Variants in ATR observed in about 807,000 individuals in gnomAD.
ATR encodes the protein serine/threonine-protein kinase ATR.
In ATR, 142 loss-of-function variants were observed where a neutral mutation model predicts 305.3. The ratio of observed to expected loss-of-function variants is 0.47; its 90% CI spans 0.41 to 0.53. The LOEUF (loss-of-function observed/expected upper bound fraction) is 0.53, where lower values mean the gene tolerates loss of function less well. Among genes scored for constraint, ATR ranks in the 20% least tolerant of loss-of-function variants. The pLI is 0.00. For synonymous variants in ATR, 1,050 were observed against 1,068.1 expected (o/e 0.98, Z 0.33); for missense variants, 2,135 against 3,133.1 (o/e 0.68, Z 7.60).
intron 13 of ATR, among the ~76,000 whole-genome samples, chr3:142,552,489 G>A (rs1345388586): frequency 6.6e-6 from 1 of 151,968 alleles, no homozygotes; most frequent in Non-Finnish European, 1.5e-5. Context: ...GGCCAACATG[G>A]TGAAACCTCA....
intron 36 of ATR, among the ~76,000 whole-genome samples, chr3:142,476,770 T>C (rs1302663875): frequency 6.6e-6 from 1 of 152,220 alleles, no homozygotes; most frequent in Non-Finnish European, 1.5e-5. Flanking sequence ...TTTATTTCCT[T>C]GAGCAATGGT....
In ATR at chr3:142,551,444, T is replaced by A. The variant is rs372750522; in HGVS notation, c.2806-1142A>T. 8.5e-5 allele frequency among the ~76,000 whole-genome samples: 13 copies of A among 152,140 alleles called. No homozygotes were observed. In the South Asian group the frequency reaches 1.2e-3, roughly 15 times the overall value. On this transcript the variant is annotated intron_variant, in intron 13 of 46. Transcript: ENST00000350721. ...AGTGAAATTTGGTCTCTAAGAAATG[T>A]TTAAAATAAAAAAGAAAATAAAACT... is the stretch of plus-strand genomic sequence containing the variant.
In ATR at chr3:142,462,087, A is replaced by G; in HGVS notation, c.7045T>C (p.Leu2349=). 1 of 1,611,384 alleles carries G rather than the reference A, an allele frequency of 6.2e-7. No individual in the cohort carries two copies. Among genetic ancestry groups the G allele is most frequent in the Non-Finnish European group, 8.5e-7 (1 of 1,178,730 alleles). Residue 2349 remains leucine, a synonymous_variant, in exon 42 of 47, where the codon TTA becomes CTA. Coordinates refer to ENST00000350721, the MANE Select transcript of ATR (RefSeq NM_001184.4). The part of the protein sequence containing the change: ...MEFNSLINKC[L]RKDAESRRRE... ...CTACGAGACTCTGCATCTTTTCTTA[A>G]GCACTGTTAAAAAATACACATAAAT... is the stretch of plus-strand genomic sequence containing the variant.
chr3:142,486,450 T>C (rs550225995), intron 35 of ATR, among the ~76,000 whole-genome samples: 2 of 152,264 alleles, frequency 1.3e-5, no homozygotes, highest in African/African-American at 4.8e-5. Context: ...TCTTCCTGCC[T>C]TCCTTTCTTC....
At chr3:142,475,912 T>C (rs1241343046) in intron 36 of ATR, among the ~76,000 whole-genome samples, 1 of 152,248 alleles carries the variant, frequency 6.6e-6, no homozygotes, top group Admixed American at 6.5e-5. Context: ...GAGAAGTGTC[T>C]GTTATATCCT....
intron 45 of ATR, among the ~76,000 whole-genome samples, chr3:142,454,644 T>C (rs2070866428): frequency 6.6e-6 from 1 of 151,828 alleles, no homozygotes; most frequent in African/African-American, 2.4e-5. Context: ...GGTTTCACCG[T>C]GTTAGCCAGG....
intron 27 of ATR, among the ~76,000 whole-genome samples, chr3:142,512,026 G>A (rs558818923): frequency 2.0e-4 from 30 of 151,842 alleles, no homozygotes; most frequent in Non-Finnish European, 4.0e-4. Flanking sequence ...GCTGAGGCAG[G>A]AGAATTGCTT....
chr3:142,514,544 G>A (rs1389895353), intron 25 of ATR, among the ~76,000 whole-genome samples: 1 of 151,474 alleles, frequency 6.6e-6, no homozygotes, highest in Non-Finnish European at 1.5e-5. Flanking sequence ...TGAGGCAGGA[G>A]AATGGCATGA....
At chr3:142,498,534 T>A (rs1411752172) in intron 32 of ATR, 63 bp downstream of exon 32, 2 of 1,530,746 alleles carry the variant, frequency 1.3e-6, no homozygotes, top group Non-Finnish European at 8.9e-7. Flanking sequence ...CTCAAAAAAA[T>A]TTTCCAATCC....
At chr3:142,539,014 A>G (rs892313078) in intron 18 of ATR, among the ~76,000 whole-genome samples, 6 of 152,192 alleles carry the variant, frequency 3.9e-5, no homozygotes, top group African/African-American at 1.4e-4. Context: ...AATGTTTTAT[A>G]TAACTTTTAA....
chr3:142,467,809 C>A, intron 39 of ATR, 125 bp downstream of exon 39: 1 of 1,062,752 alleles, frequency 9.4e-7, no homozygotes, highest in Admixed American at 3.1e-5. Flanking sequence ...TTAAAATATA[C>A]ATTTTGATAT....
intron 21 of ATR, among the ~76,000 whole-genome samples, chr3:142,527,426 C>T (rs1474870893): frequency 6.6e-6 from 1 of 152,066 alleles, no homozygotes; most frequent in African/African-American, 2.4e-5. Flanking sequence ...TCTATTTCAG[C>T]TAGAGTTCAT....
chr3:142,481,067 C>T (rs2030422105), intron 36 of ATR, among the ~76,000 whole-genome samples: 1 of 152,248 alleles, frequency 6.6e-6, no homozygotes, highest in Admixed American at 6.5e-5. Context: ...TGCTTCGGCT[C>T]ATGCTCGGTG....
At chr3:142,475,369 T>A (rs918478004) in intron 36 of ATR, among the ~76,000 whole-genome samples, 1 of 152,168 alleles carries the variant, frequency 6.6e-6, no homozygotes, top group African/African-American at 2.4e-5. Context: ...TGTCCTTCGA[T>A]AGTTTGCTGA....
intron 30 of ATR, among the ~76,000 whole-genome samples, chr3:142,502,593 C>T (rs2032029846): frequency 6.6e-6 from 1 of 152,072 alleles, no homozygotes; most frequent in Non-Finnish European, 1.5e-5. Flanking sequence ...CACTAACTTG[C>T]ACATGTACCC....
At chr3:142,572,372 CTTTTTTTTTTT>C (rs11318957) in intron 1 of ATR, among the ~76,000 whole-genome samples, 13 of 56,810 alleles carry the variant, frequency 2.3e-4, no homozygotes, top group East Asian at 1.2e-3. Flanking sequence ...CCCGGCCTGA[CTTTTTTTTTTT>C]TTTTTTTTTT....
At chr3:142,543,053 C>T (rs552384810) in intron 16 of ATR, among the ~76,000 whole-genome samples, 13 of 152,002 alleles carry the variant, frequency 8.6e-5, no homozygotes, top group African/African-American at 2.7e-4. Context: ...GGGGTGGGAT[C>T]CTCAGGATCT....
rs2070808209 is a variant in ATR at position 142,452,234 on chromosome 3, G to A, written c.7761+894C>T. 10 of 995,370 alleles carry A rather than the reference G, an allele frequency of 1.0e-5. No individual in the cohort carries two copies. In the South Asian group the frequency reaches 3.2e-4, roughly 31 times the overall value. 61.7% of individuals were successfully genotyped at this position (995,370 alleles called of 1,614,324 possible). ...AAAGTGGACTTAAACTCTTTAGGTA[G>A]TTAACTGGAATGTAAATTTTTAATC... On this transcript the variant is annotated intron_variant, in intron 46 of 46. Transcript: ENST00000350721.
At chr3:142,474,586 G>A (rs925287921) in intron 36 of ATR, among the ~76,000 whole-genome samples, 11 of 152,074 alleles carry the variant, frequency 7.2e-5, no homozygotes, top group Admixed American at 7.2e-4. Flanking sequence ...TTTATATCCT[G>A]CAACTTTATT....
Sources: allele counts gnomAD v4.1 joint callset (sites outside exome capture counted in the v4.1 genomes callset), GRCh38; gene constraint gnomAD v4.1.1; transcripts MANE v1.5; gene names NCBI Gene and HGNC (gene_info 2026-07-23, HGNC 2026-07-21).